Variants in CES5A observed in about 807,000 individuals in gnomAD.
CES5A encodes carboxylesterase 5A.
CES5A carries 67 observed loss-of-function variants against 62.9 expected under a neutral mutation model. That is an observed-to-expected ratio of 1.07 (90% CI 0.88 to 1.31). The LOEUF is 1.31. Ranked by LOEUF, CES5A falls within the 50% of genes most tolerant of loss-of-function variation. The pLI is 0.00. For missense variants in CES5A, 748 were observed against 708.5 expected (o/e 1.06, Z -0.63); for synonymous variants, 296 against 280.8 (o/e 1.05, Z -0.54).
chr16:55,954,333 C>A (rs2034586775), intron 1 of CES5A, among the ~76,000 whole-genome samples: 1 of 152,082 alleles, frequency 6.6e-6, no homozygotes, highest in Admixed American at 6.6e-5. Context: ...GCATTGGAAG[C>A]AAAGGGAAGG....
At chr16:55,851,205 C>T (rs1040145057) in intron 10 of CES5A, among the ~76,000 whole-genome samples, 2 of 151,998 alleles carry the variant, frequency 1.3e-5, no homozygotes, top group African/African-American at 2.4e-5. Context: ...GAAGGCAACC[C>T]GGCAACCCAC....
intron 2 of CES5A, chr16:55,944,159 T>C: frequency 1.4e-6 from 1 of 700,994 alleles, no homozygotes. Flanking sequence ...GGCTAAGAAA[T>C]TGTATTGTGA....
At chr16:55,909,164 T>G (rs1187360266) in intron 1 of CES5A, among the ~76,000 whole-genome samples, 2 of 152,162 alleles carry the variant, frequency 1.3e-5, no homozygotes, top group African/African-American at 4.8e-5. Flanking sequence ...TGAGAGACAC[T>G]GCCCTCCACT....
At chr16:55,849,361 AT>A (rs1384281636) in intron 11 of CES5A, among the ~76,000 whole-genome samples, 2 of 148,446 alleles carry the variant, frequency 1.3e-5, no homozygotes, top group African/African-American at 2.6e-5. Flanking sequence ...AAAAAAAAAA[AT>A]ATTTAGATTG....
Position 55,892,123 on chromosome 16 carries a change from A to C in CES5A, c.-255-18086T>G, listed in dbSNP as rs2142433701. Among the ~76,000 whole-genome samples the C allele has an allele frequency of 1.3e-5, 2 of 152,328 alleles. 1 individual carries two copies. Among genetic ancestry groups the C allele is most frequent in the South Asian group, 4.1e-4 (2 of 4,820 alleles). ...GGCAGCCACTATGAGACTTCAAAAG[A>C]AACTTGGTCTCCACAATCTTTTATC... On this transcript the variant is annotated intron_variant, in intron 1 of 12. Transcript: ENST00000518005.
chr16:55,846,325 T>C lies in CES5A; in HGVS notation c.*126A>G. 1.4e-6 allele frequency: 1 copy of C among 704,264 alleles called. No individual in the cohort carries two copies. Among genetic ancestry groups the C allele is most frequent in the Non-Finnish European group, 2.4e-6 (1 of 415,808 alleles). The allele number at this position is 704,264 out of a possible 1,614,324, so 43.6% of individuals were successfully genotyped here. A position where few individuals can be genotyped will look rare whatever the true frequency, so the allele number is the denominator to read the frequency against. ...AAGGATCATTCCTAAGTCCATAAAA[T>C]ATCAGCGAAAGCAGCTTGTTTTGCA... On this transcript the variant is annotated 3_prime_UTR_variant, in exon 13 of 13. Coordinates refer to ENST00000290567, the MANE Select transcript of CES5A (RefSeq NM_001143685.2).
chr16:55,926,503 A>G (rs1431650607), upstream of CES5A, among the ~76,000 whole-genome samples: 2 of 152,204 alleles, frequency 1.3e-5, no homozygotes, highest in Non-Finnish European at 2.9e-5. Flanking sequence ...TCATTTTTAT[A>G]TTTTTAACTG....
At chr16:55,875,398 A>T (rs1266098715), upstream of CES5A, 8 of 1,386,170 alleles carry the variant, frequency 5.8e-6, no homozygotes, top group Non-Finnish European at 7.5e-6. Context: ...TGACTAAGCA[A>T]GACTTTCCTG....
chr16:55,859,043 C>A (rs2033300833), intron 8 of CES5A, among the ~76,000 whole-genome samples: 1 of 152,186 alleles, frequency 6.6e-6, no homozygotes, highest in Non-Finnish European at 1.5e-5. Context: ...CTCATATGCT[C>A]AGTTTTTGTA....
At chr16:55,922,958 G>A (rs1356628116) in intron 1 of CES5A, among the ~76,000 whole-genome samples, 1 of 151,648 alleles carries the variant, frequency 6.6e-6, no homozygotes, top group Non-Finnish European at 1.5e-5. Flanking sequence ...CAATGAAGAA[G>A]TTAAGAAGGA....
chr16:55,894,901 AC>A (rs1161944076), intron 1 of CES5A, among the ~76,000 whole-genome samples: 4 of 152,226 alleles, frequency 2.6e-5, no homozygotes, highest in African/African-American at 7.2e-5. Context: ...CTTGGGGGAA[AC>A]AATAAACTTA....
At chr16:55,877,387 A>G (rs2033709782), upstream of CES5A, among the ~76,000 whole-genome samples, 1 of 152,096 alleles carries the variant, frequency 6.6e-6, no homozygotes, top group South Asian at 2.1e-4. Context: ...ATGGAAATTA[A>G]CAAGCATTAC....
chr16:55,911,112 G>A (rs1279774650), intron 1 of CES5A, among the ~76,000 whole-genome samples: 1 of 152,106 alleles, frequency 6.6e-6, no homozygotes, highest in Non-Finnish European at 1.5e-5. Flanking sequence ...TCTTTTTAGT[G>A]CATGAACTGT....
At chr16:55,875,773 G>T (rs1013608789), upstream of CES5A, among the ~76,000 whole-genome samples, 7 of 152,286 alleles carry the variant, frequency 4.6e-5, no homozygotes, top group Admixed American at 1.3e-4. Flanking sequence ...CAACCTTGAG[G>T]CTTCTTCGAT....
intron 2 of CES5A, among the ~76,000 whole-genome samples, chr16:55,936,163 G>T (rs1314714364): frequency 6.6e-6 from 1 of 152,134 alleles, no homozygotes; most frequent in East Asian, 1.9e-4. Context: ...CACTCCAGTA[G>T]CCATGCTGTT....
chr16:55,894,498 C>CAAAAAAAAAAA (rs370359945), intron 1 of CES5A, among the ~76,000 whole-genome samples: 2 of 102,930 alleles, frequency 1.9e-5, no homozygotes, highest in Admixed American at 1.1e-4. Flanking sequence ...AACTCTGTCT[C>CAAAAAAAAAAA]AAAAAAAAAA....
intron 9 of CES5A, among the ~76,000 whole-genome samples, chr16:55,853,272 A>T (rs1381185479): frequency 6.6e-6 from 1 of 152,236 alleles, no homozygotes; most frequent in Non-Finnish European, 1.5e-5. Flanking sequence ...GTCTATTTGC[A>T]TCCAAATCCC....
chr16:55,949,266 A>G (rs1413096467), intron 2 of CES5A, among the ~76,000 whole-genome samples: 8 of 152,180 alleles, frequency 5.3e-5, no homozygotes, highest in Admixed American at 5.2e-4. Flanking sequence ...GTGAGCTGCA[A>G]TGCAGTGCCA....
chr16:55,929,032 T>A (rs552010680), upstream of CES5A, among the ~76,000 whole-genome samples: 1 of 152,192 alleles, frequency 6.6e-6, no homozygotes, highest in South Asian at 2.1e-4. Context: ...TGGAGCACAA[T>A]CTGCAACATT....
Sources: gnomAD v4.1 joint callset for allele counts (sites outside exome capture counted in the v4.1 genomes callset) on GRCh38, gnomAD v4.1.1 for gene constraint, MANE v1.5 for transcripts, NCBI Gene and HGNC (gene_info 2026-07-23, HGNC 2026-07-21) for gene names.